The following CHN1 variants were observed in gnomAD, a reference collection of about 807,000 sequenced individuals.
The protein encoded by CHN1 is chimerin 1.
In CHN1, 37 loss-of-function variants were observed where a neutral mutation model predicts 59.5. The ratio of observed to expected loss-of-function variants is 0.62; its 90% confidence interval spans 0.48 to 0.82. The LOEUF is 0.82. Ranked by LOEUF, CHN1 falls within the 40% of genes least tolerant of loss-of-function variation. The pLI, the probability that CHN1 is intolerant of heterozygous loss-of-function variation, is 0.00. For synonymous variants in CHN1, 206 were observed against 200.4 expected (o/e 1.03, Z -0.24); for missense variants, 469 against 571.0 (o/e 0.82, Z 1.82).
At chr2:174,913,146 A>G (rs1688748655) in intron 5 of CHN1, among the ~76,000 whole-genome samples, 1 of 152,244 alleles carries the variant, frequency 6.6e-6, no homozygotes, top group African/African-American at 2.4e-5. Context: ...ATAAGATGAC[A>G]GGCAATGTGG....
intron 3 of CHN1, among the ~76,000 whole-genome samples, chr2:174,937,387 TA>T (rs1381132099): frequency 2.0e-5 from 3 of 152,198 alleles, no homozygotes; most frequent in African/African-American, 7.2e-5. Context: ...TGCAAACAAA[TA>T]GGGCCAGTGC....
At chr2:175,001,995 C>T (rs1483446865) in intron 1 of CHN1, among the ~76,000 whole-genome samples, 1 of 152,170 alleles carries the variant, frequency 6.6e-6, no homozygotes, top group East Asian at 1.9e-4. Flanking sequence ...TAGTTAAGTG[C>T]CACTCACTAT....
chr2:174,887,181 C>G (rs1358883075), intron 5 of CHN1, among the ~76,000 whole-genome samples: 1 of 152,088 alleles, frequency 6.6e-6, no homozygotes, highest in Non-Finnish European at 1.5e-5. Flanking sequence ...ACTAGGATTT[C>G]TGACTATGGA....
chr2:174,988,183 C>T (rs1418323432), intron 1 of CHN1, among the ~76,000 whole-genome samples: 1 of 151,804 alleles, frequency 6.6e-6, no homozygotes, highest in African/African-American at 2.4e-5. Flanking sequence ...ACGGTGAAAC[C>T]CCGTCTCTAC....
intron 7 of CHN1, among the ~76,000 whole-genome samples, chr2:174,838,254 C>T (rs111810209): frequency 3.0e-4 from 45 of 152,058 alleles, no homozygotes; most frequent in Non-Finnish European, 5.0e-4. Context: ...CCATCACGCC[C>T]GGCTAATTTT....
intron 1 of CHN1, among the ~76,000 whole-genome samples, chr2:174,957,737 A>G (rs1449861649): frequency 6.6e-6 from 1 of 152,050 alleles, no homozygotes; most frequent in Non-Finnish European, 1.5e-5. Context: ...AGGGGCTAGG[A>G]AGGGAGGGAG....
At chr2:174,870,348 C>T (rs369928872) in intron 6 of CHN1, among the ~76,000 whole-genome samples, 59 of 152,188 alleles carry the variant, frequency 3.9e-4, no homozygotes, top group African/African-American at 1.4e-3. Context: ...GAAAGAGGCC[C>T]CCAAAGAGTT....
intron 5 of CHN1, among the ~76,000 whole-genome samples, chr2:174,879,079 C>A (rs1462871025): frequency 2.0e-5 from 3 of 152,110 alleles, no homozygotes; most frequent in Admixed American, 1.3e-4. Context: ...CCGAGTGAGA[C>A]TAATTAAAAA....
intron 5 of CHN1, among the ~76,000 whole-genome samples, chr2:174,879,379 G>C (rs897577227): frequency 2.0e-5 from 3 of 152,140 alleles, no homozygotes; most frequent in African/African-American, 7.2e-5. Context: ...ATTTAATCTA[G>C]AATCCAACGT....
At chr2:174,811,426 A>C in intron 10 of CHN1, 85 bp downstream of exon 10, 3 of 855,758 alleles carry the variant, frequency 3.5e-6, no homozygotes, top group Non-Finnish European at 5.5e-6. Context: ...TAGAAAAATA[A>C]TGCAAAAAAT....
chr2:174,844,709 A>C (rs939855407), intron 7 of CHN1, among the ~76,000 whole-genome samples: 2 of 152,212 alleles, frequency 1.3e-5, no homozygotes, highest in Non-Finnish European at 2.9e-5. Context: ...CTTGGAAGTC[A>C]AGTATGACTT....
chr2:174,822,134 A>G (rs1486488463), intron 8 of CHN1, among the ~76,000 whole-genome samples: 1 of 152,188 alleles, frequency 6.6e-6, no homozygotes, highest in Admixed American at 6.5e-5. Context: ...TCAAATTCCA[A>G]CCCTCCGTGT....
At chr2:174,996,856 C>T (rs1355148753) in intron 1 of CHN1, among the ~76,000 whole-genome samples, 2 of 152,164 alleles carry the variant, frequency 1.3e-5, no homozygotes. Context: ...TGCTTCAAAG[C>T]CTGCTCCATG....
chr2:174,832,133 A>T (rs1200754571), intron 7 of CHN1, among the ~76,000 whole-genome samples: 1 of 152,120 alleles, frequency 6.6e-6, no homozygotes, highest in Non-Finnish European at 1.5e-5. Flanking sequence ...TAAAAGTGTC[A>T]TCTGAAGAAG....
rs1397749146 is a variant in CHN1, at chr2:174,952,281, T to C, written c.20-79A>G. On this transcript the variant is annotated intron_variant, in intron 1 of 12. Coordinates refer to ENST00000409900, the MANE Select transcript of CHN1 (RefSeq NM_001822.7). The stretch of plus-strand genomic sequence containing the variant: ...ACATTTTAATCATTAACTCATTTAA[T>C]ATATATCTGTTGAGATCTATTTGTT... The C allele has an allele frequency of 4.6e-6, 4 of 872,284 alleles. No individual in the cohort carries two copies. The East Asian group carries it at 1.3e-4, about 28-fold the overall frequency. 54.0% of individuals were successfully genotyped at this position (872,284 alleles called of 1,614,324 possible). A position where few individuals can be genotyped will look rare whatever the true frequency, so the allele number is the denominator to read the frequency against.
intron 5 of CHN1, among the ~76,000 whole-genome samples, chr2:174,910,676 G>A (rs184441746): frequency 6.6e-6 from 1 of 152,212 alleles, no homozygotes; most frequent in East Asian, 1.9e-4. Flanking sequence ...AATGGGTTAT[G>A]ATTGCATTTA....
In CHN1 at chr2:175,003,185, A is replaced by T. The variant is rs1004146066; in HGVS notation, c.19+1709T>A. 2.0e-5 allele frequency among the ~76,000 whole-genome samples: 3 copies of T among 152,356 alleles called. No homozygotes were observed. In the East Asian group the frequency reaches 5.8e-4, roughly 29 times the overall value. On this transcript the variant is annotated intron_variant, in intron 1 of 12. Transcript: ENST00000409900. ...GCTGCTCTATCACTACTTAACAAATAGCCTCTGCACTCAAGAGTGCTTTGT... is the reference window on the plus strand; with the variant it reads ...GCTGCTCTATCACTACTTAACAAATTGCCTCTGCACTCAAGAGTGCTTTGT...
At chr2:174,873,851 GA>G (rs1005150245) in intron 6 of CHN1, among the ~76,000 whole-genome samples, 2 of 151,658 alleles carry the variant, frequency 1.3e-5, no homozygotes, top group African/African-American at 4.8e-5. Flanking sequence ...TAGAGGGGAA[GA>G]AAAAAAATAC....
rs777550632 is a variant in CHN1 at position 174,809,009 on chromosome 2, T to C, written c.998A>G (p.Tyr333Cys). The change falls in exon 11 of 13, where the codon TAT (tyrosine) becomes TGT (cysteine). Residue 333 changes from tyrosine (Y) to cysteine (C), a missense_variant. By Grantham distance (194) the Tyr-to-Cys change is radical (BLOSUM62 -2). This residue lies in a region of CHN1 where 225 missense variants were observed against 289.9 expected (regional missense o/e 0.78). Transcript: ENST00000409900. ...GEKADISVNM[Y>C]EDINIITGAL... ...ACCAGTGATAATGTTGATATCTTCA[T>C]ACATGTTCACAGAAATATCTGCCTT... is the stretch of plus-strand genomic sequence containing the variant. The C allele has an allele frequency of 3.7e-6, 6 of 1,611,248 alleles. No homozygotes were observed. In the South Asian group the frequency reaches 4.4e-5, roughly 12 times the overall value.
Sources: allele counts gnomAD v4.1 joint callset (sites outside exome capture counted in the v4.1 genomes callset), GRCh38; gene constraint gnomAD v4.1.1; regional missense constraint gnomAD v4.1.1; transcripts MANE v1.5; gene names NCBI Gene and HGNC (gene_info 2026-07-23, HGNC 2026-07-21).